The following RAB3IP variants were observed in gnomAD, a reference collection of about 807,000 sequenced individuals.
RAB3IP encodes the protein rab-3A-interacting protein.
Under a neutral mutation model 59.1 loss-of-function variants are expected in RAB3IP, and 36 were observed. The observed-to-expected ratio is 0.61, with a 90% CI of 0.47 to 0.80. RAB3IP has a LOEUF of 0.80. RAB3IP is among the 30% of genes least tolerant of loss of function. The pLI, the probability that RAB3IP is intolerant of heterozygous loss-of-function variation, is 0.00. For missense variants in RAB3IP, 511 were observed against 536.0 expected (o/e 0.95, Z 0.46); for synonymous variants, 207 against 191.2 (o/e 1.08, Z -0.68).
At chr12:69,755,137 A>C (rs1391719652) in intron 1 of RAB3IP, among the ~76,000 whole-genome samples, 1 of 152,088 alleles carries the variant, frequency 6.6e-6, no homozygotes, top group Non-Finnish European at 1.5e-5. Flanking sequence ...GCTGGAGTGC[A>C]GGGTTGTGAT....
rs199873743 is a variant in RAB3IP, at chr12:69,763,844, G to GA, written c.510+7188dup. 6.0e-3 allele frequency among the ~76,000 whole-genome samples: 908 copies of GA among 152,058 alleles called. 10 individuals are homozygous for GA. The highest frequency in any genetic ancestry group is 0.021 in the African/African-American group (865 of 41,486). On this transcript the variant is annotated intron_variant, in intron 3 of 10. Transcript: ENST00000247833. ...CAATGTTTAGCTCCCACTTATAAGT[G>GA]AAAAAAATGCAATACTTGGTGTTCT...
intron 8 of RAB3IP, among the ~76,000 whole-genome samples, chr12:69,807,943 G>T (rs955578347): frequency 3.9e-5 from 6 of 152,178 alleles, no homozygotes; most frequent in African/African-American, 1.4e-4. Context: ...TCCCAGACGG[G>T]TTGGCCAGGC....
chr12:69,754,761 A>G (rs1471400655), intron 1 of RAB3IP, among the ~76,000 whole-genome samples: 9 of 152,204 alleles, frequency 5.9e-5, no homozygotes, highest in Non-Finnish European at 1.3e-4. Flanking sequence ...TCTGTTAAAA[A>G]AATTGTTTTA....
Position 69,822,797 on chromosome 12 carries a change from T to C in RAB3IP, c.*7351T>C, listed in dbSNP as rs919949267. On this transcript the variant is annotated 3_prime_UTR_variant, in exon 11 of 11. Coordinates refer to ENST00000247833, the MANE Select transcript of RAB3IP (RefSeq NM_022456.5). ...TATGTACCCCATAAATATGTACAAC[T>C]ATTATGTATCCATAAAAATTGGAAA... The C allele has an allele frequency of 2.0e-5, 3 of 152,228 alleles. No individual in the cohort carries two copies. Among genetic ancestry groups the C allele is most frequent in the Admixed American group, 2.0e-4 (3 of 15,290 alleles). 9.4% of individuals were successfully genotyped at this position (152,228 alleles called of 1,614,324 possible). A position where few individuals can be genotyped will look rare whatever the true frequency, so the allele number is the denominator to read the frequency against.
At chr12:69,790,259 AC>A (rs1876387500) in intron 4 of RAB3IP, among the ~76,000 whole-genome samples, 1 of 152,222 alleles carries the variant, frequency 6.6e-6, no homozygotes, top group South Asian at 2.1e-4. Flanking sequence ...TACATGGACA[AC>A]CAGTTACCTG....
intron 8 of RAB3IP, 110 bp from the exon 9 acceptor site, chr12:69,812,668 A>G (rs1880615192): frequency 1.0e-5 from 7 of 701,426 alleles, no homozygotes; most frequent in Non-Finnish European, 1.5e-5. Context: ...CCTGGTACAC[A>G]GTAGGTTCTC....
chr12:69,780,184 C>G (rs1874441234), intron 3 of RAB3IP, among the ~76,000 whole-genome samples: 1 of 152,170 alleles, frequency 6.6e-6, no homozygotes, highest in Admixed American at 6.5e-5. Flanking sequence ...GAAGCCTGTC[C>G]CATTTGCTTA....
chr12:69,812,908 G>A, intron 9 of RAB3IP, 31 bp downstream of exon 9: 1 of 1,605,222 alleles, frequency 6.2e-7, no homozygotes, highest in Non-Finnish European at 8.5e-7. Context: ...TTTTAATAAA[G>A]CTTGCTTTGA....
At chr12:69,770,464 T>A (rs2136171790) in intron 3 of RAB3IP, among the ~76,000 whole-genome samples, 1 of 152,332 alleles carries the variant, frequency 6.6e-6, no homozygotes, top group South Asian at 2.1e-4. Flanking sequence ...TATACAAATT[T>A]GTATTTTTAT....
rs994515427 is a variant in RAB3IP at position 69,756,472 on chromosome 12, A to G, written c.319A>G (p.Thr107Ala). ...GVTAGLTKLT[T>A]RKDNYNAERE... ...CACAGCTGGATTAACTAAATTAACT[A>G]CAAGAAAGGACAACTATAATGCAGA... Residue 107 changes from threonine to alanine, a missense_variant, in exon 3 of 11, where the codon ACA (threonine) becomes GCA (alanine). Physicochemically the swap from Thr to Ala is moderately conservative, Grantham distance 58 (BLOSUM62 0). Transcript: ENST00000247833. The G allele has an allele frequency of 1.2e-6, 2 of 1,614,098 alleles. No homozygotes were observed. Among genetic ancestry groups the G allele is most frequent in the Non-Finnish European group, 1.7e-6 (2 of 1,179,968 alleles).
intron 6 of RAB3IP, chr12:69,796,586 A>G (rs1023507527): frequency 1.7e-6 from 1 of 584,530 alleles, no homozygotes; most frequent in Non-Finnish European, 3.1e-6. Flanking sequence ...GGAATAACCA[A>G]TGTTAACCTG....
At chr12:69,813,165 C>A in intron 10 of RAB3IP, 132 bp downstream of exon 10, 1 of 612,382 alleles carries the variant, frequency 1.6e-6, no homozygotes, top group Non-Finnish European at 2.8e-6. Context: ...ATATTGAATC[C>A]CTTCTATAGT....
chr12:69,810,007 T>C (rs966756481), intron 8 of RAB3IP, among the ~76,000 whole-genome samples: 11 of 152,150 alleles, frequency 7.2e-5, no homozygotes, highest in African/African-American at 2.7e-4. Context: ...TTCTGCTCTG[T>C]TTTTTCCCCA....
At chr12:69,760,629 G>A (rs1454636362) in intron 3 of RAB3IP, among the ~76,000 whole-genome samples, 3 of 151,604 alleles carry the variant, frequency 2.0e-5, no homozygotes, top group African/African-American at 7.3e-5. Context: ...GCTTTTGTAT[G>A]TCTGTGTTCA....
At chr12:69,786,229 G>A (rs1299502370) in intron 4 of RAB3IP, among the ~76,000 whole-genome samples, 3 of 152,062 alleles carry the variant, frequency 2.0e-5, no homozygotes, top group Non-Finnish European at 2.9e-5. Flanking sequence ...TAATTGTAAC[G>A]ATAGTCATAA....
chr12:69,759,629 T>C (rs549216224), intron 3 of RAB3IP, among the ~76,000 whole-genome samples: 1,950 of 136,714 alleles, frequency 0.014, 46 homozygotes, highest in African/African-American at 0.049. Flanking sequence ...ACCTCCCTCC[T>C]GGACGGGGCG....
chr12:69,748,044 T>G (rs1868614014), intron 1 of RAB3IP, among the ~76,000 whole-genome samples: 1 of 150,748 alleles, frequency 6.6e-6, no homozygotes, highest in African/African-American at 2.4e-5. Context: ...TAAATTGATA[T>G]GAAAAAAGAT....
At chr12:69,767,672 G>A (rs1872444761) in intron 3 of RAB3IP, among the ~76,000 whole-genome samples, 1 of 152,214 alleles carries the variant, frequency 6.6e-6, no homozygotes, top group Admixed American at 6.5e-5. Context: ...GCGTGGAGCA[G>A]AGAGGACCCC....
intron 8 of RAB3IP, among the ~76,000 whole-genome samples, chr12:69,807,987 T>A (rs1170147696): frequency 6.6e-6 from 1 of 152,208 alleles, no homozygotes; most frequent in East Asian, 1.9e-4. Flanking sequence ...GATGTTAGGG[T>A]GTCAATTTTA....
Sources: gnomAD v4.1 joint callset for allele counts (sites outside exome capture counted in the v4.1 genomes callset) on GRCh38, gnomAD v4.1.1 for gene constraint, MANE v1.5 for transcripts, NCBI Gene and HGNC (gene_info 2026-07-23, HGNC 2026-07-21) for gene names.